Variants in ZMYM5 observed in about 807,000 individuals in gnomAD.
ZMYM5 encodes the protein zinc finger MYM-type containing 5.
ZMYM5 carries 41 observed loss-of-function variants against 61.8 expected under a neutral mutation model. The ratio of observed to expected loss-of-function variants is 0.66; its 90% CI spans 0.52 to 0.86. ZMYM5 has a LOEUF of 0.86. ZMYM5 is among the 40% of genes least tolerant of loss of function. The probability of loss-of-function intolerance (pLI) is 0.00; values close to 1 mark genes in which losing one functional copy is unlikely to be tolerated. For missense variants in ZMYM5, 706 were observed against 786.7 expected, an observed-to-expected ratio of 0.90 and a Z score of 1.23; for synonymous variants, 257 against 276.4, an observed-to-expected ratio of 0.93 and a Z score of 0.70.
chr13:19,824,377 AGAG>A lies in ZMYM5; in HGVS notation c.*97_*99del, dbSNP rs1890803752. ...AAGGAACTGCTGCAAGTTACTCTGT[AGAG>A]GAGACTTACAACACAATAGTACTGA... On this transcript the variant is annotated 3_prime_UTR_variant, in exon 8 of 8. Coordinates refer to ENST00000337963, the MANE Select transcript of ZMYM5 (RefSeq NM_001142684.2). 1 of 1,052,864 alleles carries A rather than the reference AGAG, an allele frequency of 9.5e-7. No homozygotes were observed. The highest frequency in any genetic ancestry group is 1.7e-5 in the African/African-American group (1 of 59,578). 65.2% of individuals were successfully genotyped at this position (1,052,864 alleles called of 1,614,324 possible). A position where few individuals can be genotyped will look rare whatever the true frequency, so the allele number is the denominator to read the frequency against.
chr13:19,828,238 C>T (rs1199590788), intron 7 of ZMYM5, among the ~76,000 whole-genome samples: 1 of 152,070 alleles, frequency 6.6e-6, no homozygotes, highest in Non-Finnish European at 1.5e-5. Flanking sequence ...CTTTGAGAGG[C>T]CAAGGCGGGT....
At position 19,838,819 on chromosome 13, in the gene ZMYM5, T is replaced by C. The variant is rs748149658; in HGVS notation, c.753A>G (p.Leu251=). 9.9e-6 allele frequency: 16 copies of C among 1,614,042 alleles called. No individual in the cohort carries two copies. The highest frequency in any genetic ancestry group is 4.5e-5 in the East Asian group (2 of 44,894). ...GTTGATAAGCTGTCTGTCCCTTCTG[T>C]AAAGGCTTTTTGCAATTTGCACAAG... ...KITCANCKKP[L]QKGQTAYQRK... The change falls in exon 5 of 8, where the codon TTA becomes TTG. Residue 251 remains leucine (L), a synonymous_variant. Coordinates refer to ENST00000337963, the MANE Select transcript of ZMYM5 (RefSeq NM_001142684.2).
At chr13:19,860,669 C>T (rs942238142) in intron 2 of ZMYM5, among the ~76,000 whole-genome samples, 4 of 151,712 alleles carry the variant, frequency 2.6e-5, no homozygotes, top group Admixed American at 2.0e-4. Context: ...AACTTCTGAC[C>T]TCAGGTGATC....
intron 7 of ZMYM5, among the ~76,000 whole-genome samples, chr13:19,826,989 C>G (rs1380709158): frequency 6.6e-6 from 1 of 151,988 alleles, no homozygotes; most frequent in Non-Finnish European, 1.5e-5. Flanking sequence ...AAACTAGTTG[C>G]GAAGTACTTG....
chr13:19,857,111 GA>G (rs949909540), intron 2 of ZMYM5, among the ~76,000 whole-genome samples: 1 of 152,086 alleles, frequency 6.6e-6, no homozygotes, highest in Admixed American at 6.5e-5. Flanking sequence ...GTCTCAAAAC[GA>G]AAACAAAAAC....
intron 2 of ZMYM5, 141 bp from the exon 3 acceptor site, chr13:19,852,331 T>C (rs1953345401): frequency 2.4e-6 from 2 of 823,648 alleles, no homozygotes; most frequent in East Asian, 2.7e-5. Flanking sequence ...TACTGTTAAC[T>C]AATGTTTACT....
chr13:19,828,994 C>T (rs912545399), intron 7 of ZMYM5, among the ~76,000 whole-genome samples: 3 of 152,100 alleles, frequency 2.0e-5, no homozygotes, highest in Non-Finnish European at 4.4e-5. Flanking sequence ...CCTGCAGTCC[C>T]AGCTACTCAG....
chr13:19,835,443 A>G (rs1447407121), intron 7 of ZMYM5, 34 bp downstream of exon 7: 1 of 1,304,002 alleles, frequency 7.7e-7, no homozygotes, highest in Non-Finnish European at 1.0e-6. Context: ...GCTACTATAT[A>G]TTTGATCATT....
chr13:19,853,486 T>G (rs1953386986), intron 2 of ZMYM5, among the ~76,000 whole-genome samples: 2 of 151,998 alleles, frequency 1.3e-5, no homozygotes, highest in African/African-American at 4.8e-5. Context: ...AGATGTGAGG[T>G]CTCACTATGT....
intron 4 of ZMYM5, among the ~76,000 whole-genome samples, chr13:19,843,968 T>C (rs1011278972): frequency 2.0e-5 from 3 of 151,588 alleles, no homozygotes; most frequent in East Asian, 3.9e-4. Flanking sequence ...ACCCTGTCTC[T>C]TCCAAAAAAT....
intron 7 of ZMYM5, among the ~76,000 whole-genome samples, chr13:19,833,504 A>G (rs1952586857): frequency 6.6e-6 from 1 of 152,162 alleles, no homozygotes; most frequent in Non-Finnish European, 1.5e-5. Context: ...TTGTTTATAT[A>G]CCAAACCATA....
chr13:19,832,882 C>T (rs969346923), intron 7 of ZMYM5, among the ~76,000 whole-genome samples: 5 of 136,348 alleles, frequency 3.7e-5, no homozygotes, highest in Non-Finnish European at 7.9e-5. Context: ...GAGTGTACAA[C>T]CACCATATCT....
intron 4 of ZMYM5, 73 bp downstream of exon 4, chr13:19,851,282 A>G (rs1953282995): frequency 1.5e-6 from 2 of 1,302,146 alleles, no homozygotes; most frequent in South Asian, 1.2e-5. Context: ...AATAAAATAG[A>G]TATGAGCTTT....
intron 6 of ZMYM5, chr13:19,837,447 C>A: frequency 6.4e-7 from 1 of 1,553,284 alleles, no homozygotes; most frequent in African/African-American, 1.4e-5. Flanking sequence ...TCCATAGAAA[C>A]AGATGTGTAC....
chr13:19,863,588 G>C lies in ZMYM5; in HGVS notation c.-217C>G, dbSNP rs1213427754. 1.3e-5 allele frequency: 2 copies of C among 152,698 alleles called. No homozygotes were observed. Among genetic ancestry groups the C allele is most frequent in the African/African-American group, 4.8e-5 (2 of 41,460 alleles). The allele number at this position is 152,698 out of a possible 1,614,324, so 9.5% of individuals were successfully genotyped here. A position where few individuals can be genotyped will look rare whatever the true frequency, so the allele number is the denominator to read the frequency against. ...TGCGCGGAACGAACAAGCCCACCCC[G>C]CTTCGGCGACAAGCACAACTCCGCG... On this transcript the variant is annotated 5_prime_UTR_variant, in exon 1 of 8. Coordinates refer to ENST00000337963, the MANE Select transcript of ZMYM5 (RefSeq NM_001142684.2).
intron 7 of ZMYM5, among the ~76,000 whole-genome samples, chr13:19,834,903 G>A (rs1221981434): frequency 6.6e-6 from 1 of 151,694 alleles, no homozygotes; most frequent in African/African-American, 2.4e-5. Flanking sequence ...TGCCCAGTCT[G>A]GTTTCAAAAT....
chr13:19,845,893 G>A (rs1953056798), intron 4 of ZMYM5, among the ~76,000 whole-genome samples: 1 of 152,108 alleles, frequency 6.6e-6, no homozygotes, highest in South Asian at 2.1e-4. Context: ...CATTACGTAG[G>A]CATGACTCAT....
intron 4 of ZMYM5, among the ~76,000 whole-genome samples, chr13:19,846,754 C>T (rs920228908): frequency 1.3e-5 from 2 of 149,770 alleles, no homozygotes; most frequent in East Asian, 1.9e-4. Context: ...ACAGTCCCCC[C>T]CTTTTTTTTA....
intron 2 of ZMYM5, among the ~76,000 whole-genome samples, chr13:19,853,349 G>A (rs543013486): frequency 9.2e-5 from 14 of 152,242 alleles, no homozygotes; most frequent in African/African-American, 3.4e-4. Flanking sequence ...TCACGTATAA[G>A]GATCACCTCT....
Sources: allele counts gnomAD v4.1 joint callset (sites outside exome capture counted in the v4.1 genomes callset), GRCh38; gene constraint gnomAD v4.1.1; transcripts MANE v1.5; gene names NCBI Gene and HGNC (gene_info 2026-07-23, HGNC 2026-07-21).